Variants in MED27 observed in about 807,000 individuals in gnomAD.
MED27 encodes mediator of RNA polymerase II transcription subunit 27.
MED27 carries 30 observed loss-of-function variants against 38.2 expected under a neutral mutation model. That is an observed-to-expected ratio of 0.79 (90% CI 0.59 to 1.07). The LOEUF (loss-of-function observed/expected upper bound fraction) is 1.07, where lower values mean the gene tolerates loss of function less well. MED27 is among the 50% of genes least tolerant of loss of function. MED27 has a pLI of 0.00. For missense variants in MED27, 289 were observed against 397.5 expected, an observed-to-expected ratio of 0.73 and a Z score of 2.32; for synonymous variants, 122 against 153.5, an observed-to-expected ratio of 0.79 and a Z score of 1.52.
chr9:132,039,552 T>C (rs778053914), intron 2 of MED27, among the ~76,000 whole-genome samples: 7 of 152,098 alleles, frequency 4.6e-5, no homozygotes, highest in East Asian at 1.9e-4. Context: ...GAAAAGAAGG[T>C]TGGGTCTCAC....
intron 6 of MED27, among the ~76,000 whole-genome samples, chr9:131,866,879 T>C (rs901690277): frequency 2.6e-5 from 4 of 152,212 alleles, no homozygotes; most frequent in African/African-American, 9.7e-5. Flanking sequence ...GCACCCGGTG[T>C]CTGCCTCCTT....
chr9:132,066,257 T>G, intron 2 of MED27, among the ~76,000 whole-genome samples: 1 of 152,166 alleles, frequency 6.6e-6, no homozygotes, highest in African/African-American at 2.4e-5. Context: ...TTATCAGGGC[T>G]GGAGGAAAGA....
intron 6 of MED27, chr9:131,869,446 G>C: frequency 1.0e-6 from 1 of 971,134 alleles, no homozygotes; most frequent in Non-Finnish European, 1.2e-6. Flanking sequence ...TGTGGCAGCC[G>C]AGGTTCGGTC....
chr9:131,966,400 AGGAAAGGAAAGG>A (rs891304728), intron 3 of MED27, among the ~76,000 whole-genome samples: 1 of 143,736 alleles, frequency 7.0e-6, no homozygotes, highest in African/African-American at 2.6e-5. Context: ...AAAAAAAAAA[AGGAAAGGAAAGG>A]GAAAAGGAAA....
chr9:131,903,160 G>A (rs1829985138), intron 4 of MED27, among the ~76,000 whole-genome samples: 1 of 152,194 alleles, frequency 6.6e-6, no homozygotes, highest in Admixed American at 6.5e-5. Flanking sequence ...GAGGTTTATT[G>A]GACTTACAGA....
chr9:132,073,048 A>C (rs1426599550), intron 2 of MED27, among the ~76,000 whole-genome samples: 3 of 152,086 alleles, frequency 2.0e-5, no homozygotes, highest in Non-Finnish European at 2.9e-5. Flanking sequence ...TGACTCAGGC[A>C]ACTCCAAAAA....
chr9:131,896,709 T>G (rs1035074286), intron 4 of MED27, among the ~76,000 whole-genome samples: 3 of 152,078 alleles, frequency 2.0e-5, no homozygotes, highest in African/African-American at 7.2e-5. Context: ...ATCGTTATAA[T>G]GAAACTATAT....
At chr9:131,920,710 T>C (rs957162000) in intron 4 of MED27, among the ~76,000 whole-genome samples, 8 of 151,856 alleles carry the variant, frequency 5.3e-5, no homozygotes, top group South Asian at 2.1e-4. Flanking sequence ...AGCAGAGCCT[T>C]GAAGACTAGG....
At chr9:131,908,860 C>T (rs1317078401) in intron 4 of MED27, among the ~76,000 whole-genome samples, 1 of 144,146 alleles carries the variant, frequency 6.9e-6, no homozygotes, top group East Asian at 2.0e-4. Flanking sequence ...GAGAAACACC[C>T]AAGAATGATC....
In MED27 at chr9:131,982,710, A is replaced by G. The variant is rs7048083; in HGVS notation, c.479+31627T>C. 0.58 allele frequency among the ~76,000 whole-genome samples: 88,666 copies of G among 151,990 alleles called. 27,156 individuals carry two copies. Among genetic ancestry groups the G allele is most frequent in the Non-Finnish European group, 0.68 (45,927 of 67,960 alleles). On this transcript the variant is annotated intron_variant, in intron 3 of 7. Transcript: ENST00000292035. The surrounding 1 kb of genome is among the most constrained non-coding windows in gnomAD (Gnocchi z 4.3). ...TGGTCCTCTAAATTGGGGACCAACAAACATCTTCTTGAAGGCCCAGGGAGT... is the reference window on the plus strand; with the variant it reads ...TGGTCCTCTAAATTGGGGACCAACAGACATCTTCTTGAAGGCCCAGGGAGT...
chr9:131,871,660 C>T (rs770925749), intron 6 of MED27, among the ~76,000 whole-genome samples: 1 of 152,176 alleles, frequency 6.6e-6, no homozygotes, highest in Non-Finnish European at 1.5e-5. Context: ...AGTGATCCTC[C>T]TGCCTCAGTC....
intron 3 of MED27, among the ~76,000 whole-genome samples, chr9:131,958,511 G>T (rs2130994749): frequency 6.6e-6 from 1 of 152,338 alleles, no homozygotes; most frequent in Middle Eastern, 3.4e-3. Context: ...CTCCCAAAAT[G>T]TTGGGATTAC....
chr9:131,899,656 G>A (rs1413946571), intron 4 of MED27, among the ~76,000 whole-genome samples: 1 of 152,202 alleles, frequency 6.6e-6, no homozygotes, highest in Non-Finnish European at 1.5e-5. Context: ...TCTCTTCGGA[G>A]TGTGGTGCAG....
At chr9:131,992,392 C>A (rs1589253954) in intron 3 of MED27, among the ~76,000 whole-genome samples, 1 of 152,046 alleles carries the variant, frequency 6.6e-6, no homozygotes, top group Admixed American at 6.5e-5. Context: ...CTTTTGGTAC[C>A]TTCATTCATT....
chr9:132,047,958 T>C (rs897952509), intron 2 of MED27, among the ~76,000 whole-genome samples: 6 of 152,148 alleles, frequency 3.9e-5, no homozygotes, highest in Non-Finnish European at 7.3e-5. Context: ...TGTTCCATTA[T>C]TGGAACACTA....
intron 5 of MED27, among the ~76,000 whole-genome samples, chr9:131,884,866 C>T (rs1401016511): frequency 6.6e-6 from 1 of 152,266 alleles, no homozygotes; most frequent in South Asian, 2.1e-4. Flanking sequence ...CCTTGGACTC[C>T]CAAAGTACTG....
chr9:132,025,830 A>T (rs1564329956), intron 2 of MED27, among the ~76,000 whole-genome samples: 1 of 152,258 alleles, frequency 6.6e-6, no homozygotes, highest in Non-Finnish European at 1.5e-5. Context: ...AAATATTATT[A>T]TGATTAGTGT....
intron 2 of MED27, chr9:132,031,810 C>G (rs1314879482): frequency 6.6e-6 from 1 of 152,006 alleles, no homozygotes; most frequent in East Asian, 1.9e-4. Context: ...AAAACAGGGC[C>G]TCAAAGTTAA....
At chr9:131,963,984 G>A (rs1462753282) in intron 3 of MED27, among the ~76,000 whole-genome samples, 1 of 152,098 alleles carries the variant, frequency 6.6e-6, no homozygotes, top group East Asian at 1.9e-4. Context: ...AATGAATAGT[G>A]AATAAGTGAG....
Sources: allele counts gnomAD v4.1 joint callset (sites outside exome capture counted in the v4.1 genomes callset), GRCh38; gene constraint gnomAD v4.1.1; non-coding constraint Gnocchi (gnomAD v3.1); transcripts MANE v1.5; gene names NCBI Gene and HGNC (gene_info 2026-07-23, HGNC 2026-07-21).